Variants in SBF2 observed in about 807,000 individuals in gnomAD.
SBF2 encodes SET binding factor 2, also known as myotubularin-related protein 13.
Under a neutral mutation model 225.2 loss-of-function variants are expected in SBF2, and 112 were observed. The ratio of observed to expected loss-of-function variants is 0.50; its 90% CI spans 0.43 to 0.58. SBF2 has a LOEUF of 0.58. Ranked by LOEUF, SBF2 falls within the 20% of genes least tolerant of loss-of-function variation. The probability of loss-of-function intolerance (pLI) is 0.00; values close to 1 mark genes in which losing one functional copy is unlikely to be tolerated. For synonymous variants in SBF2, 763 were observed against 773.3 expected, an observed-to-expected ratio of 0.99 and a Z score of 0.22; for missense variants, 1,996 against 2,206.2, an observed-to-expected ratio of 0.90 and a Z score of 1.91.
At chr11:9,855,288 G>A (rs1484757343) in intron 19 of SBF2, among the ~76,000 whole-genome samples, 2 of 152,156 alleles carry the variant, frequency 1.3e-5, no homozygotes, top group African/African-American at 4.8e-5. Context: ...TGTCTAGCCT[G>A]GAAGACCAGA....
intron 2 of SBF2, among the ~76,000 whole-genome samples, chr11:10,133,164 T>A (rs1954158214): frequency 6.7e-6 from 1 of 149,360 alleles, no homozygotes; most frequent in Non-Finnish European, 1.5e-5. Flanking sequence ...AGGGTGCTGA[T>A]TGGTGTATTT....
intron 1 of SBF2, among the ~76,000 whole-genome samples, chr11:10,253,174 G>A: frequency 7.1e-6 from 1 of 140,152 alleles, no homozygotes. Context: ...TTTGCCTCTA[G>A]AGAAAAGAAA....
intron 2 of SBF2, among the ~76,000 whole-genome samples, chr11:10,111,912 A>G (rs766547069): frequency 5.9e-4 from 90 of 152,286 alleles, no homozygotes; most frequent in Non-Finnish European, 9.9e-4. Context: ...GAGTTCTGTT[A>G]GAGATGTTTT....
At chr11:9,903,906 C>A (rs1861924660) in intron 16 of SBF2, among the ~76,000 whole-genome samples, 1 of 152,146 alleles carries the variant, frequency 6.6e-6, no homozygotes, top group Admixed American at 6.5e-5. Flanking sequence ...GAAGTTGCTT[C>A]TCCCTGGTGC....
At chr11:9,931,921 T>G (rs1317499469) in intron 16 of SBF2, among the ~76,000 whole-genome samples, 1 of 152,030 alleles carries the variant, frequency 6.6e-6, no homozygotes, top group Non-Finnish European at 1.5e-5. Flanking sequence ...ACAAACAGTA[T>G]AGAGAAAACC....
At chr11:10,089,122 A>C (rs1362263671) in intron 2 of SBF2, among the ~76,000 whole-genome samples, 1 of 152,180 alleles carries the variant, frequency 6.6e-6, no homozygotes, top group Non-Finnish European at 1.5e-5. Flanking sequence ...ATAGTGGCGA[A>C]GTCTGTACTT....
intron 26 of SBF2, among the ~76,000 whole-genome samples, chr11:9,833,090 G>T (rs1474107455): frequency 6.6e-6 from 1 of 152,162 alleles, no homozygotes; most frequent in Non-Finnish European, 1.5e-5. Context: ...AGAGAATACA[G>T]CATGCCAATA....
intron 2 of SBF2, chr11:10,165,062 T>C (rs1049580953): frequency 1.3e-5 from 2 of 152,220 alleles, no homozygotes; most frequent in Admixed American, 6.5e-5. Context: ...TCTTCTGTAC[T>C]TTCTCTTGAG....
chr11:10,222,723 A>G (rs1958383921), intron 1 of SBF2, among the ~76,000 whole-genome samples: 1 of 152,228 alleles, frequency 6.6e-6, no homozygotes, highest in Admixed American at 6.5e-5. Context: ...GTCTTAAAAT[A>G]CACTCATTAA....
At chr11:10,293,946 C>CCGACGCCCGGCCT in intron 1 of SBF2, 69 bp downstream of exon 1, 1 of 1,179,320 alleles carries the variant, frequency 8.5e-7, no homozygotes, top group Non-Finnish European at 1.1e-6. Context: ...ACGCCCGGCC[C>CCGACGCCCGGCCT]CGCGGAGCCC....
In SBF2 at chr11:9,968,524, C is replaced by T. The variant is rs1399223922; in HGVS notation, c.1417G>A (p.Ala473Thr). Reference protein sequence around the residue: ...FKNENPNPHMAFQKVPRPTEG... With the variant: ...FKNENPNPHMTFQKVPRPTEG... ...GTTGGCCGTGGAACTTTCTGGAATG[C>T]CATATGAGGATTTGGATTCTCCTGT... The change falls in exon 14 of 40, where the codon GCA becomes ACA. Residue 473 changes from alanine to threonine, a missense_variant. By Grantham distance (58) the Ala-to-Thr change is moderately conservative. Coordinates refer to ENST00000256190, the MANE Select transcript of SBF2 (RefSeq NM_030962.4). 6.2e-6 allele frequency: 10 copies of T among 1,613,676 alleles called. No homozygotes were observed. In the African/African-American group the frequency reaches 9.4e-5, roughly 15 times the overall value.
chr11:10,131,023 A>G (rs1954021620), intron 2 of SBF2, among the ~76,000 whole-genome samples: 1 of 152,190 alleles, frequency 6.6e-6, no homozygotes, highest in South Asian at 2.1e-4. Flanking sequence ...ATAAATTTTA[A>G]TTTATCTAGG....
intron 34 of SBF2, among the ~76,000 whole-genome samples, 177 bp from the exon 35 acceptor site, chr11:9,789,519 T>C (rs1852601706): frequency 2.0e-5 from 3 of 152,186 alleles, no homozygotes; most frequent in African/African-American, 7.2e-5. Context: ...AAATAAAACA[T>C]TCTCCAATCC....
At chr11:9,919,350 G>A (rs946207523) in intron 16 of SBF2, among the ~76,000 whole-genome samples, 1 of 150,688 alleles carries the variant, frequency 6.6e-6, no homozygotes, top group Non-Finnish European at 1.5e-5. Context: ...GTAGTAGGAC[G>A]AGCCACAGAC....
chr11:9,888,699 C>A (rs1860542542), intron 17 of SBF2, among the ~76,000 whole-genome samples: 1 of 151,690 alleles, frequency 6.6e-6, no homozygotes, highest in Non-Finnish European at 1.5e-5. Flanking sequence ...TATCTCTAAG[C>A]AAAAAGATTA....
intron 16 of SBF2, among the ~76,000 whole-genome samples, chr11:9,936,982 G>C (rs1864944198): frequency 6.6e-6 from 1 of 151,924 alleles, no homozygotes; most frequent in Admixed American, 6.6e-5. Flanking sequence ...TCTCTTAAAG[G>C]TCCCACCTCC....
chr11:10,031,965 T>C (rs879877968), intron 3 of SBF2, among the ~76,000 whole-genome samples: 5 of 152,160 alleles, frequency 3.3e-5, no homozygotes, highest in Non-Finnish European at 5.9e-5. Context: ...GGTTTCAAAC[T>C]ACTGAGCTCA....
chr11:10,034,873 T>A (rs1380110514), intron 3 of SBF2, among the ~76,000 whole-genome samples: 1 of 152,230 alleles, frequency 6.6e-6, no homozygotes, highest in East Asian at 1.9e-4. Flanking sequence ...GAACCCTTCA[T>A]TTCTTGCCAA....
At chr11:10,290,694 G>A (rs992840288) in intron 1 of SBF2, among the ~76,000 whole-genome samples, 1 of 152,096 alleles carries the variant, frequency 6.6e-6, no homozygotes, top group African/African-American at 2.4e-5. Flanking sequence ...ATATGAAAAA[G>A]GAGAACACTA....
Sources: allele counts gnomAD v4.1 joint callset (sites outside exome capture counted in the v4.1 genomes callset), GRCh38; gene constraint gnomAD v4.1.1; transcripts MANE v1.5; gene names NCBI Gene and HGNC (gene_info 2026-07-23, HGNC 2026-07-21).